SOX5: variants seen among roughly 807,000 people sequenced by gnomAD.
SOX5 encodes SRY-box transcription factor 5.
A neutral mutation model predicts 92.0 loss-of-function variants in SOX5; 9 were observed. That is an observed-to-expected ratio of 0.10 (90% CI 0.06 to 0.17). The LOEUF (loss-of-function observed/expected upper bound fraction) is 0.17, where lower values mean the gene tolerates loss of function less well. SOX5 is among the 10% of genes least tolerant of loss of function. The probability of loss-of-function intolerance (pLI) is 1.00; values close to 1 mark genes in which losing one functional copy is unlikely to be tolerated. For synonymous variants in SOX5, 344 were observed against 336.3 expected (o/e 1.02, Z -0.25); for missense variants, 642 against 944.5 (o/e 0.68, Z 4.20).
intron 4 of SOX5, among the ~76,000 whole-genome samples, chr12:24,212,956 C>T (rs1157581089): frequency 6.6e-6 from 1 of 152,192 alleles, no homozygotes; most frequent in Non-Finnish European, 1.5e-5. Context: ...CTGGGTGCTC[C>T]TCCCTACAAT....
intron 3 of SOX5, among the ~76,000 whole-genome samples, chr12:24,252,574 AGCTTCGG>A (rs2140170633): frequency 6.6e-6 from 1 of 152,264 alleles, no homozygotes; most frequent in Admixed American, 6.5e-5. Context: ...ATGTCATGAA[AGCTTCGG>A]GCATCTAAAA....
At chr12:23,589,060 C>T (rs1406204911) in intron 9 of SOX5, among the ~76,000 whole-genome samples, 4 of 151,536 alleles carry the variant, frequency 2.6e-5, no homozygotes, top group Non-Finnish European at 1.5e-5. Flanking sequence ...ATGAAATCAC[C>T]AATGATAGGA....
chr12:24,068,768 C>A, intron 4 of SOX5, among the ~76,000 whole-genome samples: 1 of 115,514 alleles, frequency 8.7e-6, no homozygotes, highest in Non-Finnish European at 1.7e-5. Flanking sequence ...ACATTAGTTC[C>A]TAGTTTATAT....
intron 8 of SOX5, among the ~76,000 whole-genome samples, chr12:23,619,002 G>A (rs1037126259): frequency 2.6e-5 from 4 of 152,120 alleles, no homozygotes; most frequent in African/African-American, 9.7e-5. Flanking sequence ...AACGCTCCCT[G>A]AAGAAACCAC....
At chr12:23,940,968 AC>A (rs1247421405) in intron 1 of SOX5, among the ~76,000 whole-genome samples, 1 of 151,526 alleles carries the variant, frequency 6.6e-6, no homozygotes, top group Admixed American at 6.6e-5. Flanking sequence ...AAGATGGAAT[AC>A]TATTATATGT....
intron 1 of SOX5, among the ~76,000 whole-genome samples, chr12:23,904,181 C>A (rs2097266439): frequency 6.6e-6 from 1 of 152,048 alleles, no homozygotes; most frequent in Non-Finnish European, 1.5e-5. Flanking sequence ...ATTCAGAAGC[C>A]TTTAAATAGA....
In SOX5 at chr12:23,762,630, T is replaced by C. The variant is rs571913082; in HGVS notation, c.482-6906A>G. 3.4e-4 allele frequency: 177 copies of C among 518,968 alleles called. 1 individual carries two copies. The highest frequency in any genetic ancestry group is 5.4e-4 in the Non-Finnish European group (159 of 293,994). 32.1% of individuals were successfully genotyped at this position (518,968 alleles called of 1,614,324 possible). On this transcript the variant is annotated intron_variant, in intron 3 of 14. Coordinates refer to ENST00000451604, the MANE Select transcript of SOX5 (RefSeq NM_006940.6). ...TACAAAAAGAAAAAAAAAAAAGTCTTTGGCTGACTCAAGTTTTACAATTTT... is the reference window on the plus strand; with the variant it reads ...TACAAAAAGAAAAAAAAAAAAGTCTCTGGCTGACTCAAGTTTTACAATTTT...
intron 1 of SOX5, among the ~76,000 whole-genome samples, chr12:24,525,345 A>C (rs1950606720): frequency 6.6e-6 from 1 of 152,194 alleles, no homozygotes; most frequent in South Asian, 2.1e-4. Context: ...AATTCCTAGA[A>C]TCAGAGTGGA....
At chr12:23,920,493 C>CTT (rs1393930050) in intron 1 of SOX5, 6 of 152,150 alleles carry the variant, frequency 3.9e-5, no homozygotes, top group Non-Finnish European at 8.8e-5. Context: ...CTTCTTTTAT[C>CTT]TTATTTCCCA....
intron 3 of SOX5, among the ~76,000 whole-genome samples, chr12:24,270,877 C>T (rs571319599): frequency 1.3e-3 from 202 of 152,324 alleles, no homozygotes; most frequent in Non-Finnish European, 2.3e-3. Context: ...CAATACTTCA[C>T]ATGTCATTGT....
At chr12:24,076,602 G>A (rs1211576207) in intron 4 of SOX5, among the ~76,000 whole-genome samples, 1 of 151,100 alleles carries the variant, frequency 6.6e-6, no homozygotes, top group Admixed American at 6.6e-5. Context: ...TTTTCCATGT[G>A]AAAAAGTCTA....
rs201028330 is a variant in SOX5, at chr12:23,899,376, G to T, written c.39-3352C>A. ...AGATCACACCATTGCATCCAGCCTG[G>T]GCAACAAAAGCAAAACTCCGTCTGA... On this transcript the variant is annotated intron_variant, in intron 1 of 14. Transcript: ENST00000451604. Among the ~76,000 whole-genome samples the T allele has an allele frequency of 2.7e-5, 4 of 150,684 alleles. No homozygotes were observed. The East Asian group carries it at 7.8e-4, about 29-fold the overall frequency.
intron 4 of SOX5, among the ~76,000 whole-genome samples, chr12:24,119,550 T>C (rs1168000706): frequency 1.3e-5 from 2 of 152,070 alleles, no homozygotes; most frequent in African/African-American, 4.8e-5. Flanking sequence ...TAACAATCCA[T>C]GCCACTCAAT....
intron 1 of SOX5, among the ~76,000 whole-genome samples, chr12:24,492,842 G>A (rs1480946800): frequency 6.6e-6 from 1 of 152,082 alleles, no homozygotes; most frequent in Admixed American, 6.6e-5. Flanking sequence ...AATTTTGAGT[G>A]TGTATTAAAA....
intron 4 of SOX5, among the ~76,000 whole-genome samples, chr12:24,003,088 T>G (rs1317470597): frequency 1.3e-5 from 2 of 151,840 alleles, no homozygotes; most frequent in African/African-American, 4.8e-5. Flanking sequence ...GGCAGAAAAA[T>G]TTTTGACTAA....
rs144872442 is a variant in SOX5 at position 23,964,922 on chromosome 12, G to A, written c.-1-68898C>T. Among the ~76,000 whole-genome samples, 1,056 of 152,312 alleles carry A rather than the reference G, an allele frequency of 6.9e-3. 16 individuals carry two copies. The highest frequency in any genetic ancestry group is 0.024 in the African/African-American group (999 of 41,554). Reference sequence around the variant, plus strand: ...GTTGATGGGCTAGGCTTGCTTTAGCGAAGAAATCAACTTGAAGAACCAGCC... The same window carrying A: ...GTTGATGGGCTAGGCTTGCTTTAGCAAAGAAATCAACTTGAAGAACCAGCC... On this transcript the variant is annotated intron_variant, in intron 4 of 4. Transcript: ENST00000446891.
At chr12:23,610,996 C>T (rs977534544) in intron 8 of SOX5, among the ~76,000 whole-genome samples, 6 of 152,068 alleles carry the variant, frequency 3.9e-5, no homozygotes, top group Non-Finnish European at 7.4e-5. Flanking sequence ...ATTTACTTGC[C>T]GAATCTTAAA....
In SOX5 at chr12:23,882,902, G is replaced by A. The variant is rs146161071; in HGVS notation, c.270+12891C>T. On this transcript the variant is annotated intron_variant, in intron 2 of 14. Coordinates refer to ENST00000451604, the MANE Select transcript of SOX5 (RefSeq NM_006940.6). ...GCCAGATTCTAAAGATAATGATAGG[G>A]CGGGCGTGGTGGCTCACGTCTGTAA... is the stretch of plus-strand genomic sequence containing the variant. Among the ~76,000 whole-genome samples, 566 of 152,072 alleles carry A rather than the reference G, an allele frequency of 3.7e-3. 3 individuals carry two copies. Among genetic ancestry groups the A allele is most frequent in the South Asian group, 9.9e-3 (48 of 4,826 alleles).
At chr12:23,870,559 T>C (rs762816725) in intron 2 of SOX5, among the ~76,000 whole-genome samples, 1 of 152,158 alleles carries the variant, frequency 6.6e-6, no homozygotes, top group Non-Finnish European at 1.5e-5. Flanking sequence ...TGTTAGGCTA[T>C]ACCAGATAAG....
Sources: gnomAD v4.1 joint callset for allele counts (sites outside exome capture counted in the v4.1 genomes callset) on GRCh38, gnomAD v4.1.1 for gene constraint, MANE v1.5 for transcripts, NCBI Gene and HGNC (gene_info 2026-07-23, HGNC 2026-07-21) for gene names.